The following PTH1R variants were observed in gnomAD, a reference collection of about 807,000 sequenced individuals.
PTH1R encodes the protein parathyroid hormone/parathyroid hormone-related peptide receptor.
A neutral mutation model predicts 70.7 loss-of-function variants in PTH1R; 32 were observed. The observed-to-expected ratio is 0.45, with a 90% CI of 0.34 to 0.61. The LOEUF is 0.61. Among genes scored for constraint, PTH1R ranks in the 20% least tolerant of loss-of-function variants. PTH1R has a pLI of 0.01. For synonymous variants in PTH1R, 329 were observed against 324.8 expected, an observed-to-expected ratio of 1.01 and a Z score of -0.14; for missense variants, 626 against 792.5, an observed-to-expected ratio of 0.79 and a Z score of 2.52.
Position 46,892,789 on chromosome 3 carries a change from G to A in PTH1R, c.76-1118G>A, listed in dbSNP as rs183830615. 31 of 985,740 alleles carry A rather than the reference G, an allele frequency of 3.1e-5. 1 individual carries two copies. The African/African-American group carries it at 5.1e-4, about 16-fold the overall frequency. The allele number at this position is 985,740 out of a possible 1,614,324, so 61.1% of individuals were successfully genotyped here. On this transcript the variant is annotated intron_variant, in intron 3 of 15. Coordinates refer to ENST00000449590, the MANE Select transcript of PTH1R (RefSeq NM_000316.3). The surrounding 1 kb of genome is among the most constrained non-coding windows in gnomAD (Gnocchi z 5.2). ...CGTCTGAAGGATGCAGCTCTGCCGC[G>A]GAGCTGAGGAGACGTAGCCTTCTGG...
rs2030841908 is a variant in PTH1R, at chr3:46,883,911, A to G, written c.75+277A>G. 6.6e-6 allele frequency among the ~76,000 whole-genome samples: 1 copy of G among 152,168 alleles called. No homozygotes were observed. Among genetic ancestry groups the G allele is most frequent in the Admixed American group, 6.5e-5 (1 of 15,282 alleles). Reference sequence around the variant, plus strand: ...ACCATCCTCTGCTTCTGTGAGCACCATGGCTGTTTCTCCCTGGAAGATGAC... The same window carrying G: ...ACCATCCTCTGCTTCTGTGAGCACCGTGGCTGTTTCTCCCTGGAAGATGAC... On this transcript the variant is annotated intron_variant, in intron 3 of 15. Coordinates refer to ENST00000449590, the MANE Select transcript of PTH1R (RefSeq NM_000316.3). The surrounding 1 kb of genome is among the most constrained non-coding windows in gnomAD (Gnocchi z 6.4).
rs2107056060 is a variant in PTH1R at position 46,901,291 on chromosome 3, C to T, written c.1050-123C>T. 1.8e-5 allele frequency: 25 copies of T among 1,356,026 alleles called. No individual in the cohort carries two copies. The South Asian group carries it at 2.9e-4, about 16-fold the overall frequency. 84.0% of individuals were successfully genotyped at this position (1,356,026 alleles called of 1,614,324 possible). A position where few individuals can be genotyped will look rare whatever the true frequency, so the allele number is the denominator to read the frequency against. On this transcript the variant is annotated intron_variant, in intron 11 of 15. Transcript: ENST00000449590. The surrounding 1 kb of genome is among the most constrained non-coding windows in gnomAD (Gnocchi z 7.3). ...GTGAGGGAGGCCTCAGGCCTGGCCACACCCAGCACCCCTGCCCTGTGTCCT... is the reference window on the plus strand; with the variant it reads ...GTGAGGGAGGCCTCAGGCCTGGCCATACCCAGCACCCCTGCCCTGTGTCCT...
In PTH1R at chr3:46,901,710, C is replaced by A. The variant is rs1270313946; in HGVS notation, c.1117-56C>A. On this transcript the variant is annotated intron_variant, in intron 12 of 15. Coordinates refer to ENST00000449590, the MANE Select transcript of PTH1R (RefSeq NM_000316.3). This position sits in a 1 kb window ranked among gnomAD's most constrained non-coding sequence, Gnocchi z 7.3. ...AGAGCCTATGGCCGTGGCTGCCAGG[C>A]CTTGCCCCGCCCCACTAGGGTGCAG... 3 of 1,554,358 alleles carry A rather than the reference C, an allele frequency of 1.9e-6. No homozygotes were observed. The highest frequency in any genetic ancestry group is 2.7e-5 in the African/African-American group (2 of 73,554).
Position 46,903,678 on chromosome 3 carries a change from T to C in PTH1R, c.*22T>C, listed in dbSNP as rs776337114. 6.2e-7 allele frequency: 1 copy of C among 1,604,156 alleles called. No homozygotes were observed. Among genetic ancestry groups the C allele is most frequent in the South Asian group, 1.1e-5 (1 of 91,076 alleles). On this transcript the variant is annotated 3_prime_UTR_variant, in exon 16 of 16. Transcript: ENST00000449590. This position sits in a 1 kb window ranked among gnomAD's most constrained non-coding sequence, Gnocchi z 4.4. The stretch of plus-strand genomic sequence containing the variant: ...GTGACCAGGCGCTGGGGGCTGGACC[T>C]GCTGACATAGTGGATGGACAGATGG...
Position 46,892,225 on chromosome 3 carries a change from G to A in PTH1R, c.76-1682G>A, listed in dbSNP as rs766772377. ...CCATAGTACCAGCGGAGATCTCAGG[G>A]TCCACCTCAGCCCCCAGAGACACCA... On this transcript the variant is annotated intron_variant, in intron 3 of 15. Coordinates refer to ENST00000449590, the MANE Select transcript of PTH1R (RefSeq NM_000316.3). The surrounding 1 kb of genome is among the most constrained non-coding windows in gnomAD (Gnocchi z 5.2). Among the ~76,000 whole-genome samples the A allele has an allele frequency of 6.6e-6, 1 of 152,124 alleles. No homozygotes were observed. Among genetic ancestry groups the A allele is most frequent in the Non-Finnish European group, 1.5e-5 (1 of 68,020 alleles).
rs1414847123 is a variant in PTH1R at position 46,887,476 on chromosome 3, AAG to A, written c.75+3851_75+3852del. ...TCTCTGAAAAAAAAAAAAAAAAAAA[AAG>A]AGAGAGAGTCAATCAATAAAAATTA... On this transcript the variant is annotated intron_variant, in intron 3 of 15. Coordinates refer to ENST00000449590, the MANE Select transcript of PTH1R (RefSeq NM_000316.3). Among the ~76,000 whole-genome samples, 3 of 150,638 alleles carry A rather than the reference AAG, an allele frequency of 2.0e-5. No homozygotes were observed. The South Asian group carries it at 6.3e-4, about 32-fold the overall frequency.
rs1015740743 is a variant in PTH1R, at chr3:46,884,274, G to T, written c.75+640G>T. Among the ~76,000 whole-genome samples the T allele has an allele frequency of 3.3e-5, 5 of 152,168 alleles. No individual in the cohort carries two copies. Among genetic ancestry groups the T allele is most frequent in the Non-Finnish European group, 7.4e-5 (5 of 68,026 alleles). ...AGCATATCCTGTGGGGAAGTGAGGAGACCCCTGGAAAGACTGTCACTCCCT... is the reference window on the plus strand; with the variant it reads ...AGCATATCCTGTGGGGAAGTGAGGATACCCCTGGAAAGACTGTCACTCCCT... On this transcript the variant is annotated intron_variant, in intron 3 of 15. Coordinates refer to ENST00000449590, the MANE Select transcript of PTH1R (RefSeq NM_000316.3). The surrounding 1 kb of genome is among the most constrained non-coding windows in gnomAD (Gnocchi z 4.8).
chr3:46,878,347 G>A (rs2030356856), intron 1 of PTH1R, among the ~76,000 whole-genome samples: 1 of 152,054 alleles, frequency 6.6e-6, no homozygotes, highest in African/African-American at 2.4e-5. Context: ...TTTCCAGAGG[G>A]GCCTAGAAGC....
intron 10 of PTH1R, 25 bp from the exon 11 acceptor site, chr3:46,901,000 A>G: frequency 6.4e-7 from 1 of 1,571,438 alleles, no homozygotes; most frequent in Admixed American, 1.9e-5. Flanking sequence ...ACAGTCCTGC[A>G]CACTGTCCCC....
At chr3:46,899,113 C>G (rs1351850269) in intron 9 of PTH1R, among the ~76,000 whole-genome samples, 190 bp from the exon 10 acceptor site, 2 of 152,222 alleles carry the variant, frequency 1.3e-5, no homozygotes, top group Non-Finnish European at 2.9e-5. Flanking sequence ...TCTAGCCACT[C>G]TACCTCTTCA....
chr3:46,901,952 G>C lies in PTH1R; in HGVS notation c.1211+92G>C, dbSNP rs2032155021. 2 of 1,312,682 alleles carry C rather than the reference G, an allele frequency of 1.5e-6. No individual in the cohort carries two copies. Among genetic ancestry groups the C allele is most frequent in the Non-Finnish European group, 2.2e-6 (2 of 921,638 alleles). The allele number at this position is 1,312,682 out of a possible 1,614,324, so 81.3% of individuals were successfully genotyped here. ...CAGGAAAGACAGTGGCCCCATGAAT[G>C]ATCCTGGGGCAAGGGAAAGGACCCA... On this transcript the variant is annotated intron_variant, in intron 13 of 15. Coordinates refer to ENST00000449590, the MANE Select transcript of PTH1R (RefSeq NM_000316.3). The surrounding 1 kb of genome is among the most constrained non-coding windows in gnomAD (Gnocchi z 7.3).
intron 2 of PTH1R, among the ~76,000 whole-genome samples, chr3:46,881,808 C>G (rs898770827): frequency 2.6e-5 from 4 of 152,074 alleles, no homozygotes; most frequent in Non-Finnish European, 5.9e-5. Flanking sequence ...CGACCCGGCC[C>G]GAACGGGAGC....
In PTH1R at chr3:46,895,731, C is replaced by T; in HGVS notation, c.179-4C>T. On this transcript the variant is annotated splice_polypyrimidine_tract_variant and splice_region_variant and intron_variant, in intron 4 of 15. Transcript: ENST00000449590. ...AGCCATCATTACCACCCTGGTTTCT[C>T]CAGCCAGCATAATGGAATCAGACAA... The T allele has an allele frequency of 6.2e-7, 1 of 1,614,116 alleles. No individual in the cohort carries two copies. The highest frequency in any genetic ancestry group is 8.5e-7 in the Non-Finnish European group (1 of 1,180,004).
In PTH1R at chr3:46,891,242, A is replaced by G. The variant is rs1036319279; in HGVS notation, c.76-2665A>G. On this transcript the variant is annotated intron_variant, in intron 3 of 15. Transcript: ENST00000449590. The surrounding 1 kb of genome is among the most constrained non-coding windows in gnomAD (Gnocchi z 4.3). ...TCTCCTGAACATCCCAACTCCAGAA[A>G]AAGGGGTGTGCCTCCTCCTGGCCAT... Among the ~76,000 whole-genome samples, 12 of 152,222 alleles carry G rather than the reference A, an allele frequency of 7.9e-5. No homozygotes were observed. The highest frequency in any genetic ancestry group is 1.6e-4 in the Non-Finnish European group (11 of 68,038).
At chr3:46,886,087 T>A (rs2031001317) in intron 3 of PTH1R, among the ~76,000 whole-genome samples, 1 of 151,076 alleles carries the variant, frequency 6.6e-6, no homozygotes, top group South Asian at 2.1e-4. Context: ...CGGGGTGGAG[T>A]TTGGAGGAAG....
chr3:46,891,685 T>C lies in PTH1R; in HGVS notation c.76-2222T>C, dbSNP rs1287770026. Reference sequence around the variant, plus strand: ...GCAGTATTGCTGATGGTGCTAATGTTGCCTTGGTGATGCTGGAGGTGGTGG... The same window carrying C: ...GCAGTATTGCTGATGGTGCTAATGTCGCCTTGGTGATGCTGGAGGTGGTGG... On this transcript the variant is annotated intron_variant, in intron 3 of 15. Transcript: ENST00000449590. This position sits in a 1 kb window ranked among gnomAD's most constrained non-coding sequence, Gnocchi z 4.3. Among the ~76,000 whole-genome samples, 1 of 152,134 alleles carries C rather than the reference T, an allele frequency of 6.6e-6. No individual in the cohort carries two copies.
chr3:46,883,665 A>G lies in PTH1R; in HGVS notation c.75+31A>G, dbSNP rs1186199721. 3.2e-6 allele frequency: 5 copies of G among 1,545,260 alleles called. 1 individual carries two copies. Among genetic ancestry groups the G allele is most frequent in the Non-Finnish European group, 1.7e-6 (2 of 1,146,622 alleles). On this transcript the variant is annotated intron_variant, in intron 3 of 15. Transcript: ENST00000449590. The surrounding 1 kb of genome is among the most constrained non-coding windows in gnomAD (Gnocchi z 6.4). ...TCCCCCGCCGCCAACACTCCGGGAC[A>G]GGCTGCGGGCTTACCCTAGGGTCCG...
intron 3 of PTH1R, among the ~76,000 whole-genome samples, chr3:46,890,605 C>T (rs1222188875): frequency 1.4e-5 from 2 of 146,536 alleles, no homozygotes; most frequent in African/African-American, 5.1e-5. Context: ...CAGGTTTGAG[C>T]GATTCTGCTG....
chr3:46,881,445 TGGGAACGGGGGA>T (rs1003635782), intron 2 of PTH1R, among the ~76,000 whole-genome samples: 3 of 149,156 alleles, frequency 2.0e-5, no homozygotes, highest in African/African-American at 5.0e-5. Flanking sequence ...GGAGTGGGGG[TGGGAACGGGGGA>T]GGGAGGTGAA....
Sources: gnomAD v4.1 joint callset for allele counts (sites outside exome capture counted in the v4.1 genomes callset) on GRCh38, gnomAD v4.1.1 for gene constraint, Gnocchi (gnomAD v3.1) non-coding constraint, MANE v1.5 for transcripts, NCBI Gene and HGNC (gene_info 2026-07-23, HGNC 2026-07-21) for gene names.